CEP131: variants seen among roughly 807,000 people sequenced by gnomAD.
CEP131 encodes the protein centrosomal protein 131.
In CEP131, 99 loss-of-function variants were observed where a neutral mutation model predicts 136.8. That is an observed-to-expected ratio of 0.72 (90% CI 0.62 to 0.86). CEP131 has a LOEUF of 0.86. Among genes scored for constraint, CEP131 ranks in the 40% least tolerant of loss-of-function variants. The pLI is 0.00. For synonymous variants in CEP131, 646 were observed against 612.7 expected, an observed-to-expected ratio of 1.05 and a Z score of -0.80; for missense variants, 1,459 against 1,463.0, an observed-to-expected ratio of 1.00 and a Z score of 0.04.
rs1271193423 is a variant in CEP131, at chr17:81,192,843, C to A, written c.2322G>T (p.Arg774=). 3.8e-6 allele frequency: 6 copies of A among 1,597,086 alleles called. No homozygotes were observed. Among genetic ancestry groups the A allele is most frequent in the Admixed American group, 1.7e-5 (1 of 59,864 alleles). Residue 774 remains arginine, a splice_region_variant and synonymous_variant, in exon 19 of 26, where the codon CGG becomes CGT. Coordinates refer to ENST00000450824, the MANE Select transcript of CEP131 (RefSeq NM_014984.4). The part of the protein sequence containing the change: ...GQQERERARQ[R]FQQHLEQEQW... ...GCTCCTGCTCCAGGTGCTGCTGGAA[C>A]CTGCGGGACGGTCAGGACTGGCTCT...
chr17:81,221,132 A>C (rs1039249409), intron 1 of CEP131, among the ~76,000 whole-genome samples: 67 of 151,112 alleles, frequency 4.4e-4, no homozygotes, highest in African/African-American at 1.6e-3. Context: ...CTCAAAAAAA[A>C]AAAAAAAAAA....
rs191710137 is a variant in CEP131, at chr17:81,194,224, A to T, written c.2120-97T>A. 5,468 of 1,164,628 alleles carry T rather than the reference A, an allele frequency of 4.7e-3. 17 individuals are homozygous for T. The highest frequency in any genetic ancestry group is 5.9e-3 in the Non-Finnish European group (5,063 of 860,632). The allele number at this position is 1,164,628 out of a possible 1,614,324, so 72.1% of individuals were successfully genotyped here. On this transcript the variant is annotated intron_variant, in intron 17 of 25. Coordinates refer to ENST00000450824, the MANE Select transcript of CEP131 (RefSeq NM_014984.4). ...CCAGCCTGTCTCAGGCCCAGAGGGGACCCCGCCCACCCAGGGCCTCCTTGG... is the reference window on the plus strand; with the variant it reads ...CCAGCCTGTCTCAGGCCCAGAGGGGTCCCCGCCCACCCAGGGCCTCCTTGG...
At chr17:81,214,203 C>A (rs1243389004) in intron 2 of CEP131, among the ~76,000 whole-genome samples, 4 of 152,186 alleles carry the variant, frequency 2.6e-5, no homozygotes, top group Non-Finnish European at 4.4e-5. Context: ...AGGGGAACAC[C>A]CTGCACTTTC....
chr17:81,190,920 T>C lies in CEP131; in HGVS notation c.2930A>G (p.Glu977Gly). 6.2e-7 allele frequency: 1 copy of C among 1,604,442 alleles called. No homozygotes were observed. The highest frequency in any genetic ancestry group is 8.5e-7 in the Non-Finnish European group (1 of 1,179,262). The change falls in exon 23 of 26, where the codon GAG becomes GGG. Residue 977 changes from glutamate to glycine, a missense_variant. This residue lies in a region of CEP131 where 1,026 missense variants were observed against 964.2 expected (regional missense o/e 1.06). Coordinates refer to ENST00000450824, the MANE Select transcript of CEP131 (RefSeq NM_014984.4). Reference sequence around the variant, plus strand: ...CCGCCCACTCACCGCCTGCGCATCCTCCAGCGCCCGCTCCTTCTGCCGCAC... The same window carrying C: ...CCGCCCACTCACCGCCTGCGCATCCCCCAGCGCCCGCTCCTTCTGCCGCAC... ...GLVRQKERAL[E>G]DAQAVNEQLS...
At position 81,203,951 on chromosome 17, in the gene CEP131, G is replaced by A. The variant is rs1470025713; in HGVS notation, c.516-344C>T. 1.6e-5 allele frequency: 4 copies of A among 243,048 alleles called. No individual in the cohort carries two copies. Among genetic ancestry groups the A allele is most frequent in the East Asian group, 9.6e-5 (1 of 10,444 alleles). The allele number at this position is 243,048 out of a possible 1,614,324, so 15.1% of individuals were successfully genotyped here. A position where few individuals can be genotyped will look rare whatever the true frequency, so the allele number is the denominator to read the frequency against. The stretch of plus-strand genomic sequence containing the variant: ...ACAGAAGCGAAGCCCCATCCCACAC[G>A]ACGGATGGAAGCCACATTCTCTGCC... On this transcript the variant is annotated intron_variant, in intron 5 of 25. Coordinates refer to ENST00000450824, the MANE Select transcript of CEP131 (RefSeq NM_014984.4). The surrounding 1 kb of genome is among the most constrained non-coding windows in gnomAD (Gnocchi z 4.6).
intron 7 of CEP131, among the ~76,000 whole-genome samples, chr17:81,201,360 C>T (rs571457083): frequency 2.6e-5 from 4 of 152,300 alleles, no homozygotes; most frequent in South Asian, 2.1e-4. Context: ...GGTACCCCCG[C>T]GACTGTCCTG....
intron 13 of CEP131, 62 bp downstream of exon 13, chr17:81,197,650 G>C: frequency 6.5e-7 from 1 of 1,537,532 alleles, no homozygotes; most frequent in African/African-American, 1.4e-5. Flanking sequence ...CCGAGGGCCA[G>C]GTGCAGGCTC....
rs1247630915 is a variant in CEP131 at position 81,198,975 on chromosome 17, C to T, written c.1193-4G>A. 6.5e-7 allele frequency: 1 copy of T among 1,539,982 alleles called. No individual in the cohort carries two copies. Among genetic ancestry groups the T allele is most frequent in the Admixed American group, 2.0e-5 (1 of 49,374 alleles). ...CCTGCAGCAGGGAGGCCACCACCTGCACAGCAGAACACAGCACCATTCCAC... is the reference window on the plus strand; with the variant it reads ...CCTGCAGCAGGGAGGCCACCACCTGTACAGCAGAACACAGCACCATTCCAC... On this transcript the variant is annotated splice_polypyrimidine_tract_variant and splice_region_variant and intron_variant, in intron 10 of 25. Transcript: ENST00000450824.
In CEP131 at chr17:81,208,873, G is replaced by T; in HGVS notation, c.272+55C>A. On this transcript the variant is annotated intron_variant, in intron 3 of 25. Transcript: ENST00000450824. The surrounding 1 kb of genome is among the most constrained non-coding windows in gnomAD (Gnocchi z 5.6). The stretch of plus-strand genomic sequence containing the variant: ...AGGCAGGGAGGAGCAGGCCAGGGTG[G>T]GGCACCTGAGGTCCCGGGAAGGGGC... 1 of 1,391,192 alleles carries T rather than the reference G, an allele frequency of 7.2e-7. No homozygotes were observed. Among genetic ancestry groups the T allele is most frequent in the Non-Finnish European group, 1.0e-6 (1 of 985,528 alleles). The allele number at this position is 1,391,192 out of a possible 1,614,324, so 86.2% of individuals were successfully genotyped here.
At chr17:81,190,843 T>C in intron 23 of CEP131, 41 bp from the exon 24 acceptor site, 1 of 1,590,440 alleles carries the variant, frequency 6.3e-7, no homozygotes, top group Non-Finnish European at 8.6e-7. Flanking sequence ...TGCCAGCGAC[T>C]GGCTGCGTGC....
intron 3 of CEP131, 45 bp from the exon 4 acceptor site, chr17:81,207,284 G>A (rs376540452): frequency 1.3e-5 from 20 of 1,578,642 alleles, no homozygotes; most frequent in South Asian, 3.3e-5. Flanking sequence ...GTCACCAGCC[G>A]GGAAGCCGAC....
intron 1 of CEP131, 92 bp from the exon 2 acceptor site, chr17:81,220,165 A>C (rs1367650670): frequency 1.8e-6 from 2 of 1,127,310 alleles, no homozygotes; most frequent in Non-Finnish European, 2.3e-6. Flanking sequence ...AGCTGGGTCC[A>C]CTGGCCACCA....
Position 81,210,062 on chromosome 17 carries a change from AG to A in CEP131, c.178-1041del, listed in dbSNP as rs1215459992. ...GAAGCGGACGCTAAGCGAGGATCAG[AG>A]CGCTCGGAGAAGCGGACGCTAAGCG... On this transcript the variant is annotated intron_variant, in intron 2 of 25. Transcript: ENST00000450824. Among the ~76,000 whole-genome samples the A allele has an allele frequency of 1.0e-4, 9 of 89,762 alleles. 3 individuals carry two copies. Among genetic ancestry groups the A allele is most frequent in the Non-Finnish European group, 1.3e-4 (5 of 38,802 alleles). The allele number at this position is 89,762 out of a possible 152,430, so 58.9% of individuals were successfully genotyped here.
rs1334154410 is a variant in CEP131 at position 81,208,130 on chromosome 17, C to CCA, written c.272+796_272+797dup. Among the ~76,000 whole-genome samples the CCA allele has an allele frequency of 1.3e-5, 2 of 150,086 alleles. No homozygotes were observed. The highest frequency in any genetic ancestry group is 2.0e-4 in the East Asian group (1 of 5,092). ...CACACACCCACACACCACACACATA[C>CCA]CACACACACACACCAGCTGGCCTTG... is the stretch of plus-strand genomic sequence containing the variant. On this transcript the variant is annotated intron_variant, in intron 3 of 25. Transcript: ENST00000450824. This position sits in a 1 kb window ranked among gnomAD's most constrained non-coding sequence, Gnocchi z 5.6.
At chr17:81,192,673 C>CGGGGGGGGGGGGGGG (rs929723589) in intron 19 of CEP131, 63 bp downstream of exon 19, 3 of 204,244 alleles carry the variant, frequency 1.5e-5, no homozygotes, top group Non-Finnish European at 2.6e-5. Flanking sequence ...GGTGAGGGGG[C>CGGGGGGGGGGGGGGG]GGGGGGGAGG....
In CEP131 at chr17:81,197,727, C is replaced by A. The variant is rs2061795443; in HGVS notation, c.1632G>T (p.Leu544=). 6.2e-7 allele frequency: 1 copy of A among 1,611,212 alleles called. No homozygotes were observed. Among genetic ancestry groups the A allele is most frequent in the Non-Finnish European group, 8.5e-7 (1 of 1,179,060 alleles). ...DEMEKSGQDQ[L]DSQQEGWVPE... ...GAGGGGCCACCTCCTGCTGGGAGTCCAGCTGGTCCTGCCCAGACTTCTCCA... is the reference window on the plus strand; with the variant it reads ...GAGGGGCCACCTCCTGCTGGGAGTCAAGCTGGTCCTGCCCAGACTTCTCCA... The change falls in exon 13 of 26, where the codon CTG becomes CTT. Residue 544 remains leucine, a synonymous_variant. Coordinates refer to ENST00000450824, the MANE Select transcript of CEP131 (RefSeq NM_014984.4).
In CEP131 at chr17:81,198,105, C is replaced by A; in HGVS notation, c.1470+10G>T. On this transcript the variant is annotated intron_variant, in intron 12 of 25. Coordinates refer to ENST00000450824, the MANE Select transcript of CEP131 (RefSeq NM_014984.4). ...ACAGACTGTGCAGGGCGGGCGCACACCGTGGTCACCTCGCTGGCCCAGGCG... is the reference window on the plus strand; with the variant it reads ...ACAGACTGTGCAGGGCGGGCGCACAACGTGGTCACCTCGCTGGCCCAGGCG... 6.4e-7 allele frequency: 1 copy of A among 1,552,720 alleles called. No individual in the cohort carries two copies.
Position 81,219,265 on chromosome 17 carries a change from AC to A in CEP131, c.177+614del, listed in dbSNP as rs11284892. ...TCTCCAAGGCCACCAGGAGCTCATC[AC>A]CCCTCCCCACAGGTCAACCCCATTT... On this transcript the variant is annotated intron_variant, in intron 2 of 25. Transcript: ENST00000450824. This position sits in a 1 kb window ranked among gnomAD's most constrained non-coding sequence, Gnocchi z 4.0. Among the ~76,000 whole-genome samples, 137,028 of 148,776 alleles carry A rather than the reference AC, an allele frequency of 0.92. 63,268 individuals are homozygous for A. Among genetic ancestry groups the A allele is most frequent in the Non-Finnish European group, 0.96 (64,962 of 67,510 alleles).
At position 81,189,716 on chromosome 17, in the gene CEP131, C is replaced by G. The variant is rs997061416; in HGVS notation, c.*53G>C. The stretch of plus-strand genomic sequence containing the variant: ...TCCCTGTGGGCCTCTGGGCCCACGT[C>G]CAGCCTCTGTCCTCTGCCTTCCGTT... On this transcript the variant is annotated 3_prime_UTR_variant, in exon 26 of 26. Coordinates refer to ENST00000450824, the MANE Select transcript of CEP131 (RefSeq NM_014984.4). The G allele has an allele frequency of 3.3e-6, 5 of 1,525,298 alleles. No homozygotes were observed. The African/African-American group carries it at 6.9e-5, about 21-fold the overall frequency. The allele number at this position is 1,525,298 out of a possible 1,614,324, so 94.5% of individuals were successfully genotyped here. A position where few individuals can be genotyped will look rare whatever the true frequency, so the allele number is the denominator to read the frequency against.
Sources: allele counts gnomAD v4.1 joint callset (sites outside exome capture counted in the v4.1 genomes callset), GRCh38; gene constraint gnomAD v4.1.1; regional missense constraint gnomAD v4.1.1; non-coding constraint Gnocchi (gnomAD v3.1); transcripts MANE v1.5; gene names NCBI Gene and HGNC (gene_info 2026-07-23, HGNC 2026-07-21).